The following ESF1 variants were observed in gnomAD, a reference collection of about 807,000 sequenced individuals.
ESF1 encodes ESF1 homolog.
In ESF1, 58 loss-of-function variants were observed where a neutral mutation model predicts 92.0. That is an observed-to-expected ratio of 0.63 (90% CI 0.51 to 0.78). The LOEUF (loss-of-function observed/expected upper bound fraction) is 0.78. Among genes scored for constraint, ESF1 ranks in the 30% least tolerant of loss-of-function variants. The pLI is 0.00. For missense variants in ESF1, 922 were observed against 989.1 expected (o/e 0.93, Z 0.91); for synonymous variants, 321 against 313.7 (o/e 1.02, Z -0.24).
rs779825763 is a variant in ESF1, at chr20:13,748,403, T to TATATACACATATATATATAC, written c.1828+11288_1828+11289insGTATATATATATGTGTATAT. Among the ~76,000 whole-genome samples the TATATACACATATATATATAC allele has an allele frequency of 4.0e-3, 474 of 117,776 alleles. 3 individuals carry two copies. Among genetic ancestry groups the TATATACACATATATATATAC allele is most frequent in the African/African-American group, 7.5e-3 (222 of 29,618 alleles). The allele number at this position is 117,776 out of a possible 152,430, so 77.3% of individuals were successfully genotyped here. A position where few individuals can be genotyped will look rare whatever the true frequency, so the allele number is the denominator to read the frequency against. ...CTTCCCCTTCCTCCCTCAAAGGATA[T>TATATACACATATATATATAC]ATATACACATATATATACATATACA... is the stretch of plus-strand genomic sequence containing the variant. On this transcript the variant is annotated intron_variant, in intron 9 of 13. Transcript: ENST00000617257.
chr20:13,769,883 A>G (rs747510204), intron 7 of ESF1, 24 bp downstream of exon 7: 37 of 1,410,924 alleles, frequency 2.6e-5, no homozygotes, highest in African/African-American at 4.2e-5. Flanking sequence ...GTCCAGCTAC[A>G]TATTTTTTAA....
intron 10 of ESF1, among the ~76,000 whole-genome samples, chr20:13,732,172 G>A (rs777828007): frequency 1.6e-4 from 25 of 152,140 alleles, no homozygotes; most frequent in African/African-American, 5.1e-4. Context: ...CTTGGGGACC[G>A]AGCCCCCAAT....
chr20:13,725,183 G>A (rs1316623807), intron 11 of ESF1, among the ~76,000 whole-genome samples: 1 of 152,146 alleles, frequency 6.6e-6, no homozygotes, highest in Non-Finnish European at 1.5e-5. Flanking sequence ...CTGTGCTTCT[G>A]CAAGTGAATG....
chr20:13,725,553 C>T (rs1013658662), intron 11 of ESF1, among the ~76,000 whole-genome samples: 1 of 152,184 alleles, frequency 6.6e-6, no homozygotes, highest in Non-Finnish European at 1.5e-5. Context: ...TGTCTGTGAG[C>T]CACTACATTA....
At chr20:13,776,752 A>T (rs1979961336) in intron 2 of ESF1, among the ~76,000 whole-genome samples, 1 of 152,208 alleles carries the variant, frequency 6.6e-6, no homozygotes, top group Admixed American at 6.5e-5. Context: ...GGGGTCCCTA[A>T]GTGAGTGATA....
At chr20:13,737,986 C>G (rs1282229158) in intron 9 of ESF1, among the ~76,000 whole-genome samples, 3 of 152,152 alleles carry the variant, frequency 2.0e-5, no homozygotes, top group African/African-American at 4.8e-5. Flanking sequence ...TAGAGGAAAA[C>G]CACTGGCCAT....
chr20:13,719,025 G>A (rs749793095), intron 11 of ESF1, 41 bp from the exon 12 acceptor site: 2 of 1,424,198 alleles, frequency 1.4e-6, no homozygotes, highest in African/African-American at 1.4e-5. Context: ...AAAATTACAG[G>A]ACTATCAGCA....
intron 2 of ESF1, among the ~76,000 whole-genome samples, chr20:13,778,557 A>G (rs1438382745): frequency 6.6e-6 from 1 of 152,168 alleles, no homozygotes; most frequent in Non-Finnish European, 1.5e-5. Context: ...ATTGTTTTCT[A>G]AGATGTTGAC....
intron 11 of ESF1, among the ~76,000 whole-genome samples, chr20:13,727,280 ATATGC>A (rs2049906889): frequency 6.6e-6 from 1 of 152,232 alleles, no homozygotes; most frequent in South Asian, 2.1e-4. Context: ...AAAAAGCAGA[ATATGC>A]TAAGTTTCCA....
At position 13,714,836 on chromosome 20, in the gene ESF1, G is replaced by T; in HGVS notation, c.*38C>A. 6.8e-7 allele frequency: 1 copy of T among 1,480,800 alleles called. No individual in the cohort carries two copies. Among genetic ancestry groups the T allele is most frequent in the Non-Finnish European group, 9.1e-7 (1 of 1,100,420 alleles). The allele number at this position is 1,480,800 out of a possible 1,614,324, so 91.7% of individuals were successfully genotyped here. A position where few individuals can be genotyped will look rare whatever the true frequency, so the allele number is the denominator to read the frequency against. On this transcript the variant is annotated 3_prime_UTR_variant, in exon 14 of 14. Transcript: ENST00000617257. Reference sequence around the variant, plus strand: ...CTCCTATTATTTTTGTACATTTTAGGAAAAGATGTATTCAGTTCAAAAATA... The same window carrying T: ...CTCCTATTATTTTTGTACATTTTAGTAAAAGATGTATTCAGTTCAAAAATA...
At chr20:13,721,513 C>T (rs1239189823) in intron 11 of ESF1, among the ~76,000 whole-genome samples, 6 of 152,094 alleles carry the variant, frequency 3.9e-5, no homozygotes, top group East Asian at 3.9e-4. Flanking sequence ...CTGGATGAAG[C>T]GAGGGAGGTG....
At chr20:13,768,965 T>C (rs995251185) in intron 7 of ESF1, among the ~76,000 whole-genome samples, 22 of 151,010 alleles carry the variant, frequency 1.5e-4, no homozygotes, top group African/African-American at 5.4e-4. Context: ...ACTATTTCAA[T>C]AGACAAAAAC....
At chr20:13,718,609 T>C (rs1166826261) in intron 12 of ESF1, among the ~76,000 whole-genome samples, 1 of 152,212 alleles carries the variant, frequency 6.6e-6, no homozygotes, top group Non-Finnish European at 1.5e-5. Flanking sequence ...ATTTTCTGCC[T>C]CAGGTATAGT....
At chr20:13,765,900 T>A (rs942444352) in intron 8 of ESF1, among the ~76,000 whole-genome samples, 1 of 152,144 alleles carries the variant, frequency 6.6e-6, no homozygotes, top group African/African-American at 2.4e-5. Flanking sequence ...ACATGAAATA[T>A]TAAAACAGAG....
intron 10 of ESF1, among the ~76,000 whole-genome samples, chr20:13,733,501 T>C (rs1415035718): frequency 6.6e-6 from 1 of 152,252 alleles, no homozygotes; most frequent in African/African-American, 2.4e-5. Context: ...AATGCAGCAG[T>C]TGAAGTGGCT....
At chr20:13,737,863 C>T (rs2049985326) in intron 9 of ESF1, among the ~76,000 whole-genome samples, 1 of 152,206 alleles carries the variant, frequency 6.6e-6, no homozygotes, top group African/African-American at 2.4e-5. Context: ...GCCATGTTGG[C>T]CAGGCTGGTC....
intron 12 of ESF1, 123 bp from the exon 13 acceptor site, chr20:13,717,637 A>G: frequency 3.9e-6 from 4 of 1,032,510 alleles, no homozygotes; most frequent in Non-Finnish European, 5.6e-6. Context: ...ACTCTGGGGT[A>G]CCACCTGTTG....
At chr20:13,751,867 C>T (rs1353295919) in intron 9 of ESF1, among the ~76,000 whole-genome samples, 1 of 151,978 alleles carries the variant, frequency 6.6e-6, no homozygotes, top group African/African-American at 2.4e-5. Context: ...TAGTGGCCCA[C>T]GCCTGTAGTC....
intron 8 of ESF1, among the ~76,000 whole-genome samples, chr20:13,765,448 A>G (rs987452693): frequency 6.6e-6 from 1 of 152,246 alleles, no homozygotes; most frequent in Non-Finnish European, 1.5e-5. Context: ...AGGGAATATT[A>G]GAGGGATGAC....
Sources: allele counts gnomAD v4.1 joint callset (sites outside exome capture counted in the v4.1 genomes callset), GRCh38; gene constraint gnomAD v4.1.1; transcripts MANE v1.5; gene names NCBI Gene and HGNC (gene_info 2026-07-23, HGNC 2026-07-21).